Variants in ASPRV1 observed in about 807,000 individuals in gnomAD.
ASPRV1 encodes retroviral-like aspartic protease 1.
Under a neutral mutation model 11.0 loss-of-function variants are expected in ASPRV1, and 7 were observed. The ratio of observed to expected loss-of-function variants is 0.64; its 90% CI spans 0.36 to 1.20. ASPRV1 has a LOEUF of 1.20. ASPRV1 is among the 50% of genes most tolerant of loss of function. The probability of loss-of-function intolerance (pLI) is 0.02; values close to 1 mark genes in which losing one functional copy is unlikely to be tolerated. For missense variants in ASPRV1, 299 were observed against 320.0 expected, an observed-to-expected ratio of 0.93 and a Z score of 0.50; for synonymous variants, 136 against 138.4, an observed-to-expected ratio of 0.98 and a Z score of 0.12.
chr2:69,951,556 CAT>C, the ASPRV1 span, among the ~76,000 whole-genome samples: 2 of 141,214 alleles, frequency 1.4e-5, no homozygotes, highest in African/African-American at 2.6e-5. Context: ...ACATACATAT[CAT>C]ATATATATCT....
chr2:69,991,017 G>A, the ASPRV1 span, among the ~76,000 whole-genome samples: 1 of 152,128 alleles, frequency 6.6e-6, no homozygotes, highest in Admixed American at 6.6e-5. Flanking sequence ...CCTCAAACGT[G>A]GCCTGCTGGA....
At chr2:70,057,539 T>C in the ASPRV1 span, among the ~76,000 whole-genome samples, 1 of 151,914 alleles carries the variant, frequency 6.6e-6, no homozygotes. Flanking sequence ...AGTGCAGTGG[T>C]GTGATCTCGG....
At chr2:70,034,582 A>AG in the ASPRV1 span, among the ~76,000 whole-genome samples, 1 of 152,070 alleles carries the variant, frequency 6.6e-6, no homozygotes, top group African/African-American at 2.4e-5. Context: ...AAAAAAAAAA[A>AG]AAAGAAAGAA....
chr2:70,062,521 T>C, the ASPRV1 span, among the ~76,000 whole-genome samples: 1 of 152,158 alleles, frequency 6.6e-6, no homozygotes, highest in Non-Finnish European at 1.5e-5. Context: ...TTCAAAACCA[T>C]AGCTCTAGGA....
the ASPRV1 span, among the ~76,000 whole-genome samples, chr2:69,948,469 C>T: frequency 4.9e-4 from 74 of 152,310 alleles, no homozygotes; most frequent in Non-Finnish European, 9.4e-4. Flanking sequence ...CCGTGGTTGC[C>T]AGATGGCACT....
the ASPRV1 span, among the ~76,000 whole-genome samples, chr2:69,947,983 G>C: frequency 6.6e-6 from 1 of 152,186 alleles, no homozygotes; most frequent in Non-Finnish European, 1.5e-5. Context: ...TCGTTGGATT[G>C]CAAGTAAATG....
chr2:69,963,445 C>T, upstream of ASPRV1: 1 of 456,696 alleles, frequency 2.2e-6, no homozygotes, highest in Non-Finnish European at 4.4e-6. Context: ...GCTCAAAGAA[C>T]TGATCCAGTG....
chr2:69,951,073 C>A, the ASPRV1 span, among the ~76,000 whole-genome samples: 1 of 151,798 alleles, frequency 6.6e-6, no homozygotes, highest in South Asian at 2.1e-4. Flanking sequence ...GAAAAATACA[C>A]CGTGTTTGAC....
At chr2:70,085,864 G>C in the ASPRV1 span, 1 of 152,216 alleles carries the variant, frequency 6.6e-6, no homozygotes, top group African/African-American at 2.4e-5. Flanking sequence ...TCTCTTCGTA[G>C]CTCTCGTTCT....
the ASPRV1 span, chr2:70,031,389 G>A: frequency 6.6e-6 from 1 of 152,034 alleles, no homozygotes; most frequent in Non-Finnish European, 1.5e-5. Context: ...TTTTCAAAAG[G>A]AGGGGTAAAA....
chr2:69,944,031 T>C, the ASPRV1 span, among the ~76,000 whole-genome samples: 1 of 152,200 alleles, frequency 6.6e-6, no homozygotes, highest in South Asian at 2.1e-4. Context: ...CCTTGTCTGC[T>C]TTCTCCAAAG....
chr2:69,969,752 T>C, the ASPRV1 span, among the ~76,000 whole-genome samples: 1 of 152,158 alleles, frequency 6.6e-6, no homozygotes, highest in Non-Finnish European at 1.5e-5. Context: ...CTGTGTTTTT[T>C]GTTTGTTTCG....
chr2:69,985,897 C>G, the ASPRV1 span, among the ~76,000 whole-genome samples: 2 of 152,172 alleles, frequency 1.3e-5, no homozygotes, highest in Non-Finnish European at 1.5e-5. Context: ...TACGTAAGCA[C>G]AACCGTTTCT....
At chr2:70,071,940 C>G in the ASPRV1 span, among the ~76,000 whole-genome samples, 2 of 150,490 alleles carry the variant, frequency 1.3e-5, no homozygotes, top group African/African-American at 4.9e-5. Flanking sequence ...CCAGTCTCTA[C>G]AAAAATTTTT....
chr2:70,025,027 A>C, the ASPRV1 span, among the ~76,000 whole-genome samples: 4 of 152,212 alleles, frequency 2.6e-5, no homozygotes, highest in African/African-American at 9.6e-5. Flanking sequence ...CCACATATAT[A>C]AACACTATTG....
chr2:69,973,233 A>C, the ASPRV1 span, among the ~76,000 whole-genome samples: 1 of 152,192 alleles, frequency 6.6e-6, no homozygotes, highest in Non-Finnish European at 1.5e-5. Context: ...GCTTTCATTG[A>C]TTTTTGCCAA....
chr2:69,953,894 T>G, the ASPRV1 span, among the ~76,000 whole-genome samples: 1 of 151,426 alleles, frequency 6.6e-6, no homozygotes, highest in African/African-American at 2.4e-5. Context: ...TTTTTTTGTA[T>G]TTTTAGTAGA....
the ASPRV1 span, among the ~76,000 whole-genome samples, chr2:70,068,762 C>T: frequency 2.0e-5 from 3 of 148,548 alleles, no homozygotes; most frequent in Non-Finnish European, 4.5e-5. Context: ...GGAGAAAACG[C>T]GTCTCTACTA....
the ASPRV1 span, chr2:70,053,690 G>A: frequency 6.6e-6 from 1 of 152,158 alleles, no homozygotes; most frequent in African/African-American, 2.4e-5. Context: ...AAACTATCAA[G>A]TCTGATTCTT....
Sources: gnomAD v4.1 joint callset for allele counts (sites outside exome capture counted in the v4.1 genomes callset) on GRCh38, gnomAD v4.1.1 for gene constraint, MANE v1.5 for transcripts, NCBI Gene and HGNC (gene_info 2026-07-23, HGNC 2026-07-21) for gene names.